GALNT14: variants seen among roughly 807,000 people sequenced by gnomAD.
The protein encoded by GALNT14 is polypeptide N-acetylgalactosaminyltransferase 14.
In GALNT14, 60 loss-of-function variants were observed where a neutral mutation model predicts 77.5. That is an observed-to-expected ratio of 0.77 (90% CI 0.63 to 0.96). The LOEUF is 0.96. Ranked by LOEUF, GALNT14 falls within the 40% of genes least tolerant of loss-of-function variation. The pLI is 0.00. For missense variants in GALNT14, 710 were observed against 731.0 expected, an observed-to-expected ratio of 0.97 and a Z score of 0.33; for synonymous variants, 280 against 281.7, an observed-to-expected ratio of 0.99 and a Z score of 0.06.
chr2:30,953,563 C>T (rs1364257628), intron 6 of GALNT14, among the ~76,000 whole-genome samples: 2 of 152,188 alleles, frequency 1.3e-5, no homozygotes, highest in African/African-American at 4.8e-5. Flanking sequence ...CCACCTTGGC[C>T]TCCCAAAGTG....
At chr2:31,044,101 C>T (rs2148505253) in intron 1 of GALNT14, among the ~76,000 whole-genome samples, 1 of 152,314 alleles carries the variant, frequency 6.6e-6, no homozygotes, top group East Asian at 1.9e-4. Context: ...ATCCAAAGAT[C>T]AACTTTTTCA....
At chr2:30,888,813 C>A in the GALNT14 span, among the ~76,000 whole-genome samples, 876 of 152,240 alleles carry the variant, frequency 5.8e-3, 5 homozygotes, top group South Asian at 0.025. Flanking sequence ...TTAGCTAAAT[C>A]TGTGGCAAAT....
At chr2:31,037,382 A>C (rs1672804088) in intron 1 of GALNT14, among the ~76,000 whole-genome samples, 1 of 152,188 alleles carries the variant, frequency 6.6e-6, no homozygotes, top group South Asian at 2.1e-4. Flanking sequence ...TAATCAGACA[A>C]TGTTCTCATA....
At chr2:30,999,500 T>C (rs1670231936) in intron 1 of GALNT14, among the ~76,000 whole-genome samples, 1 of 152,002 alleles carries the variant, frequency 6.6e-6, no homozygotes, top group Admixed American at 6.5e-5. Context: ...CACACAGGAG[T>C]GTGAAACAGG....
At chr2:31,053,292 G>A (rs1674005752) in intron 1 of GALNT14, among the ~76,000 whole-genome samples, 1 of 152,158 alleles carries the variant, frequency 6.6e-6, no homozygotes, top group Admixed American at 6.5e-5. Flanking sequence ...CCGGGGGGCA[G>A]TCAGTCACTT....
At chr2:31,122,615 T>C (rs1004392109) in intron 1 of GALNT14, among the ~76,000 whole-genome samples, 3 of 152,202 alleles carry the variant, frequency 2.0e-5, no homozygotes, top group Non-Finnish European at 4.4e-5. Flanking sequence ...TAATGAATTA[T>C]AAGAGACACT....
chr2:30,928,655 C>T (rs1665533653), intron 11 of GALNT14, among the ~76,000 whole-genome samples: 1 of 152,076 alleles, frequency 6.6e-6, no homozygotes, highest in East Asian at 1.9e-4. Flanking sequence ...CTCGCTCTGT[C>T]ACCCAGGCTG....
chr2:31,018,770 GACA>G (rs1308412897), intron 1 of GALNT14, among the ~76,000 whole-genome samples: 2 of 152,174 alleles, frequency 1.3e-5, no homozygotes, highest in Non-Finnish European at 2.9e-5. Flanking sequence ...TCTTTGGGAT[GACA>G]ACAACAAAAA....
At chr2:30,915,668 T>C (rs968346016) in intron 13 of GALNT14, among the ~76,000 whole-genome samples, 6 of 152,188 alleles carry the variant, frequency 3.9e-5, no homozygotes, top group Non-Finnish European at 8.8e-5. Context: ...AGGTCTGGCC[T>C]GGATTCGCTG....
rs533007008 is a variant in GALNT14, at chr2:31,111,661, T to C, written c.129+26297A>G. Among the ~76,000 whole-genome samples, 3 of 152,350 alleles carry C rather than the reference T, an allele frequency of 2.0e-5. No homozygotes were observed. The South Asian group carries it at 6.2e-4, about 32-fold the overall frequency. ...TCCTGGCGTCATCGCTATGACAGTC[T>C]GACATGCATCATCCCTTTTCAGCCT... On this transcript the variant is annotated intron_variant, in intron 1 of 14. Transcript: ENST00000349752.
the GALNT14 span, among the ~76,000 whole-genome samples, chr2:30,897,387 C>G: frequency 6.6e-6 from 1 of 152,184 alleles, no homozygotes; most frequent in Non-Finnish European, 1.5e-5. Flanking sequence ...GAAGCCCAGG[C>G]TGGACTCTGG....
At chr2:31,022,500 A>C (rs904763425) in intron 1 of GALNT14, among the ~76,000 whole-genome samples, 8 of 152,180 alleles carry the variant, frequency 5.3e-5, no homozygotes, top group African/African-American at 9.6e-5. Flanking sequence ...CCTTTCCCCA[A>C]GTCAGAATCC....
intron 12 of GALNT14, 57 bp downstream of exon 12, chr2:30,924,683 G>T: frequency 6.8e-7 from 1 of 1,471,984 alleles, no homozygotes; most frequent in Non-Finnish European, 9.5e-7. Flanking sequence ...TCCAGACCAA[G>T]CCAGCTGAGG....
intron 1 of GALNT14, among the ~76,000 whole-genome samples, chr2:30,997,902 CCTGT>C (rs1326769285): frequency 2.6e-5 from 4 of 152,164 alleles, no homozygotes; most frequent in African/African-American, 7.2e-5. Flanking sequence ...AGTTATTCCT[CCTGT>C]CTAACTGACT....
At chr2:30,890,367 T>C in the GALNT14 span, among the ~76,000 whole-genome samples, 3 of 152,190 alleles carry the variant, frequency 2.0e-5, no homozygotes, top group East Asian at 5.8e-4. Flanking sequence ...TAGCACTTAG[T>C]ACTCTTGAGG....
At chr2:31,109,784 G>C (rs1479155894) in intron 1 of GALNT14, among the ~76,000 whole-genome samples, 1 of 152,172 alleles carries the variant, frequency 6.6e-6, no homozygotes, top group African/African-American at 2.4e-5. Flanking sequence ...GAAATGGAGT[G>C]TGTCTAAATG....
intron 1 of GALNT14, among the ~76,000 whole-genome samples, chr2:30,999,070 G>A (rs1014735381): frequency 6.6e-6 from 1 of 152,234 alleles, no homozygotes; most frequent in Non-Finnish European, 1.5e-5. Flanking sequence ...ATTCCTGCAA[G>A]AAGGCGGGGA....
chr2:30,927,540 G>T (rs1052623680), intron 11 of GALNT14, among the ~76,000 whole-genome samples: 4 of 152,212 alleles, frequency 2.6e-5, no homozygotes, highest in Admixed American at 2.6e-4. Flanking sequence ...AGCGATGAAT[G>T]GTTCATCCAG....
chr2:30,905,178 T>C, the GALNT14 span, among the ~76,000 whole-genome samples: 2 of 152,124 alleles, frequency 1.3e-5, no homozygotes, highest in African/African-American at 2.4e-5. Context: ...AGGAACGCAG[T>C]TCCTCACCAG....
Sources: gnomAD v4.1 joint callset for allele counts (sites outside exome capture counted in the v4.1 genomes callset) on GRCh38, gnomAD v4.1.1 for gene constraint, MANE v1.5 for transcripts, NCBI Gene and HGNC (gene_info 2026-07-23, HGNC 2026-07-21) for gene names.